The following ZSWIM8 variants were observed in gnomAD, a reference collection of about 807,000 sequenced individuals.
ZSWIM8 encodes zinc finger SWIM domain-containing protein 8.
ZSWIM8 carries 27 observed loss-of-function variants against 173.7 expected under a neutral mutation model. That is an observed-to-expected ratio of 0.16 (90% CI 0.11 to 0.21). The LOEUF (loss-of-function observed/expected upper bound fraction) is 0.21. Ranked by LOEUF, ZSWIM8 falls within the 10% of genes least tolerant of loss-of-function variation. The probability of loss-of-function intolerance (pLI) is 1.00; values close to 1 mark genes in which losing one functional copy is unlikely to be tolerated. For missense variants in ZSWIM8, 1,627 were observed against 2,428.8 expected, an observed-to-expected ratio of 0.67 and a Z score of 6.94; for synonymous variants, 958 against 962.0, an observed-to-expected ratio of 1.00 and a Z score of 0.08.
chr10:73,794,814 G>A (rs186582340), intron 14 of ZSWIM8, 175 bp downstream of exon 14: 9 of 542,830 alleles, frequency 1.7e-5, no homozygotes, highest in South Asian at 1.3e-4. Flanking sequence ...ATGGCTGGGC[G>A]TGGTGGCCCA....
chr10:73,798,702 A>G (rs969077942), intron 20 of ZSWIM8, among the ~76,000 whole-genome samples: 16 of 152,344 alleles, frequency 1.1e-4, no homozygotes, highest in African/African-American at 3.8e-4. Flanking sequence ...TTAGGGACCA[A>G]GATGATCACT....
At position 73,793,852 on chromosome 10, in the gene ZSWIM8, C is replaced by T. The variant is rs748231176; in HGVS notation, c.2446-13C>T. On this transcript the variant is annotated splice_polypyrimidine_tract_variant and intron_variant, in intron 11 of 25. Coordinates refer to ENST00000604729, the MANE Select transcript of ZSWIM8 (RefSeq NM_001367799.1). ...AATCATCTGCCTGTCTCCTGTGTTT[C>T]TTCCCTTTCTAGGGCAAGAAGAACA... 11 of 1,595,634 alleles carry T rather than the reference C, an allele frequency of 6.9e-6. No homozygotes were observed. The highest frequency in any genetic ancestry group is 8.5e-6 in the Non-Finnish European group (10 of 1,172,654).
Position 73,785,814 on chromosome 10 carries a change from C to T in ZSWIM8, c.-65C>T, listed in dbSNP as rs948581559. On this transcript the variant is annotated 5_prime_UTR_variant, in exon 1 of 26. Coordinates refer to ENST00000604729, the MANE Select transcript of ZSWIM8 (RefSeq NM_001367799.1). ...CTCAGGCCCCGGGCCTCCCCTCAACCCCCGGCCGGCGGCCCAGGCCCCGGA... is the reference window on the plus strand; with the variant it reads ...CTCAGGCCCCGGGCCTCCCCTCAACTCCCGGCCGGCGGCCCAGGCCCCGGA... 7 of 1,458,382 alleles carry T rather than the reference C, an allele frequency of 4.8e-6. No homozygotes were observed. Among genetic ancestry groups the T allele is most frequent in the Non-Finnish European group, 4.5e-6 (5 of 1,102,252 alleles). 90.3% of individuals were successfully genotyped at this position (1,458,382 alleles called of 1,614,324 possible).
chr10:73,794,492 C>T, intron 13 of ZSWIM8, 49 bp from the exon 14 acceptor site: 1 of 1,566,646 alleles, frequency 6.4e-7, no homozygotes, highest in Non-Finnish European at 8.7e-7. Context: ...TGTATTTTTT[C>T]CCATGCATGA....
In ZSWIM8 at chr10:73,786,028, G is replaced by A. The variant is rs765505276; in HGVS notation, c.150G>A (p.Gly50=). Residue 50 remains glycine, a synonymous_variant, in exon 1 of 26, where the codon GGG becomes GGA. Coordinates refer to ENST00000604729, the MANE Select transcript of ZSWIM8 (RefSeq NM_001367799.1). ...NWRGWRKQSA[G]PNSPTGGGGG... ...GGGGATGGCGCAAACAGTCAGCGGG[G>A]CCCAATTCCCCCACTGGCGGCGGTG... The A allele has an allele frequency of 3.1e-6, 5 of 1,604,610 alleles. No homozygotes were observed. The South Asian group carries it at 5.6e-5, about 18-fold the overall frequency.
chr10:73,796,745 C>T, intron 15 of ZSWIM8, 29 bp from the exon 16 acceptor site: 1 of 1,608,612 alleles, frequency 6.2e-7, no homozygotes, highest in Non-Finnish European at 8.5e-7. Flanking sequence ...GTCACTGCTT[C>T]TCTGGAGGTC....
At chr10:73,795,413 G>A in intron 14 of ZSWIM8, 126 bp from the exon 15 acceptor site, 1 of 1,422,726 alleles carries the variant, frequency 7.0e-7, no homozygotes. Flanking sequence ...TTCTATAGGT[G>A]ATGTGGGTTG....
chr10:73,793,494 A>G lies in ZSWIM8; in HGVS notation c.2314-94A>G, dbSNP rs1277800607. 18 of 1,416,746 alleles carry G rather than the reference A, an allele frequency of 1.3e-5. No individual in the cohort carries two copies. The East Asian group carries it at 2.4e-4, about 19-fold the overall frequency. 87.8% of individuals were successfully genotyped at this position (1,416,746 alleles called of 1,614,324 possible). A position where few individuals can be genotyped will look rare whatever the true frequency, so the allele number is the denominator to read the frequency against. ...GCGGCACAGGGCCTGGCATGTAGCAAGTGTTCAAGGAATGTTGGCTGCATG... is the reference window on the plus strand; with the variant it reads ...GCGGCACAGGGCCTGGCATGTAGCAGGTGTTCAAGGAATGTTGGCTGCATG... On this transcript the variant is annotated intron_variant, in intron 10 of 25. Transcript: ENST00000604729.
Position 73,794,564 on chromosome 10 carries a change from C to T in ZSWIM8, c.2833C>T (p.Pro945Ser). Residue 945 changes from proline to serine, a missense_variant, in exon 14 of 26, where the codon CCC becomes TCC. Around this residue, in one of 18 missense-constraint regions of ZSWIM8, gnomAD observed 169 missense variants for 235.3 expected, o/e 0.72. Transcript: ENST00000604729. ...APVVSPTGSR[P>S]PSRNWNSETP... is the part of the protein sequence containing the mutation. ...AGTGGTTTCTCCCACAGGTTCCCGGCCCCCAAGTCGCAACTGGAACAGCGA... is the reference window on the plus strand; with the variant it reads ...AGTGGTTTCTCCCACAGGTTCCCGGTCCCCAAGTCGCAACTGGAACAGCGA... 6.4e-7 allele frequency: 1 copy of T among 1,561,298 alleles called. No individual in the cohort carries two copies. Among genetic ancestry groups the T allele is most frequent in the Non-Finnish European group, 8.7e-7 (1 of 1,151,906 alleles).
chr10:73,797,784 C>T lies in ZSWIM8; in HGVS notation c.3666C>T (p.Tyr1222=). 1 of 1,611,506 alleles carries T rather than the reference C, an allele frequency of 6.2e-7. No individual in the cohort carries two copies. The highest frequency in any genetic ancestry group is 8.5e-7 in the Non-Finnish European group (1 of 1,178,050). Reference sequence around the variant, plus strand: ...CCCTACCCCATTGCCCCTTCAGGTACAAGGGCCGCCGCCCCGAGAGTCATG... The same window carrying T: ...CCCTACCCCATTGCCCCTTCAGGTATAAGGGCCGCCGCCCCGAGAGTCATG... ...ARAKTVEVGR[Y]KGRRPESHAP... The change falls in exon 19 of 26, where the codon TAC becomes TAT. Residue 1222 remains tyrosine (Y), a synonymous_variant. Coordinates refer to ENST00000604729, the MANE Select transcript of ZSWIM8 (RefSeq NM_001367799.1). The surrounding 1 kb of genome is among the most constrained non-coding windows in gnomAD (Gnocchi z 5.6).
intron 19 of ZSWIM8, 65 bp from the exon 20 acceptor site, chr10:73,798,165 A>ATT: frequency 6.3e-7 from 1 of 1,596,996 alleles, no homozygotes; most frequent in Middle Eastern, 1.7e-4. Flanking sequence ...ATAAAAAGAC[A>ATT]TTATTCTCAC....
At chr10:73,793,544 G>C in intron 10 of ZSWIM8, 44 bp from the exon 11 acceptor site, 6 of 1,530,890 alleles carry the variant, frequency 3.9e-6, no homozygotes, top group Non-Finnish European at 5.3e-6. Context: ...CCTGCTCCTG[G>C]AAGTTGGGAC....
At position 73,792,767 on chromosome 10, in the gene ZSWIM8, A is replaced by G; in HGVS notation, c.2228A>G (p.Glu743Gly). ...AATGCCCAGGATGGGGCTGGGGGCG[A>G]GGAAGAGAAGGCCGAGGGCGGGGCT... ...YLNAQDGAGGEEEKAEGGAGE... is the reference protein window; with the variant it reads ...YLNAQDGAGGGEEKAEGGAGE... Residue 743 changes from glutamate (E) to glycine (G), a missense_variant, in exon 10 of 26, where the codon GAG becomes GGG. Transcript: ENST00000604729. The surrounding 1 kb of genome is among the most constrained non-coding windows in gnomAD (Gnocchi z 4.3). 6.2e-7 allele frequency: 1 copy of G among 1,611,560 alleles called. No homozygotes were observed. The highest frequency in any genetic ancestry group is 1.3e-5 in the African/African-American group (1 of 74,964).
In ZSWIM8 at chr10:73,792,464, A is replaced by T; in HGVS notation, c.1925A>T (p.Glu642Val). The T allele has an allele frequency of 6.2e-7, 1 of 1,609,980 alleles. No homozygotes were observed. The highest frequency in any genetic ancestry group is 1.1e-5 in the South Asian group (1 of 90,486). Residue 642 changes from glutamate (E) to valine (V), a missense_variant, in exon 10 of 26, where the codon GAG becomes GTG. Physicochemically the swap from Glu to Val is moderately radical, Grantham distance 121 (BLOSUM62 -2). Around this residue, in one of 18 missense-constraint regions of ZSWIM8, gnomAD observed 383 missense variants for 394.8 expected, o/e 0.97. Coordinates refer to ENST00000604729, the MANE Select transcript of ZSWIM8 (RefSeq NM_001367799.1). This position sits in a 1 kb window ranked among gnomAD's most constrained non-coding sequence, Gnocchi z 4.3. ...GCCAGCACCTTCGGGGGATTCCCTG[A>T]GAGCCCTCCACCCTGTCCTCTCCAC... ...AEASTFGGFP[E>V]SPPPCPLHGG...
rs1262824446 is a variant in ZSWIM8 at position 73,799,513 on chromosome 10, G to C, written c.4665+23G>C. On this transcript the variant is annotated intron_variant, in intron 21 of 25. Transcript: ENST00000604729. ...CAGGTGAGACCAGTGTTCTGCTGGG[G>C]GGTAAGGCATGGGAAAATACTGGGA... 3 of 1,589,460 alleles carry C rather than the reference G, an allele frequency of 1.9e-6. No homozygotes were observed. In the South Asian group the frequency reaches 3.4e-5, roughly 18 times the overall value.
At position 73,797,148 on chromosome 10, in the gene ZSWIM8, T is replaced by C; in HGVS notation, c.3310T>C (p.Ser1104Pro). The C allele has an allele frequency of 6.2e-7, 1 of 1,613,746 alleles. No homozygotes were observed. Among genetic ancestry groups the C allele is most frequent in the Non-Finnish European group, 8.5e-7 (1 of 1,179,782 alleles). The part of the protein sequence containing the change: ...SPHSPCEGLP[S>P]EAALTPRPEG... Reference sequence around the variant, plus strand: ...ACATTCCCCCTGTGAGGGTCTTCCATCTGAGGCAGCTTTGACCCCAAGGCC... The same window carrying C: ...ACATTCCCCCTGTGAGGGTCTTCCACCTGAGGCAGCTTTGACCCCAAGGCC... The change falls in exon 17 of 26, where the codon TCT becomes CCT. Residue 1104 changes from serine (S) to proline (P), a missense_variant. Around this residue, in one of 18 missense-constraint regions of ZSWIM8, gnomAD observed 163 missense variants for 193.2 expected, o/e 0.84. Coordinates refer to ENST00000604729, the MANE Select transcript of ZSWIM8 (RefSeq NM_001367799.1). This position sits in a 1 kb window ranked among gnomAD's most constrained non-coding sequence, Gnocchi z 5.6.
In ZSWIM8 at chr10:73,788,833, A is replaced by G. The variant is rs760044556; in HGVS notation, c.362+10A>G. On this transcript the variant is annotated intron_variant, in intron 2 of 25. Coordinates refer to ENST00000604729, the MANE Select transcript of ZSWIM8 (RefSeq NM_001367799.1). ...ATGAAGAGGACATTCGGTGAGGCCAAAGGACTGATGGTGGGGAGCGGGGTC... is the reference window on the plus strand; with the variant it reads ...ATGAAGAGGACATTCGGTGAGGCCAGAGGACTGATGGTGGGGAGCGGGGTC... 145 of 1,613,058 alleles carry G rather than the reference A, an allele frequency of 9.0e-5. No individual in the cohort carries two copies. Among genetic ancestry groups the G allele is most frequent in the Middle Eastern group, 5.4e-4 (3 of 5,554 alleles).
In ZSWIM8 at chr10:73,789,704, G is replaced by T. The variant is rs781781216; in HGVS notation, c.631-13G>T. On this transcript the variant is annotated splice_polypyrimidine_tract_variant and intron_variant, in intron 4 of 25. Coordinates refer to ENST00000604729, the MANE Select transcript of ZSWIM8 (RefSeq NM_001367799.1). This position sits in a 1 kb window ranked among gnomAD's most constrained non-coding sequence, Gnocchi z 6.8. ...TTCTCAGATTGTTCCATTTTTCTCT[G>T]TGTCCCCTTCAGGCTTCTGCAGTCT... The T allele has an allele frequency of 4.1e-5, 65 of 1,587,184 alleles. No homozygotes were observed. Among genetic ancestry groups the T allele is most frequent in the Non-Finnish European group, 5.6e-5 (65 of 1,166,878 alleles).
Position 73,792,260 on chromosome 10 carries a change from C to T in ZSWIM8, c.1721C>T (p.Ala574Val). The T allele has an allele frequency of 4.4e-6, 7 of 1,589,004 alleles. No individual in the cohort carries two copies. Among genetic ancestry groups the T allele is most frequent in the Non-Finnish European group, 6.0e-6 (7 of 1,166,514 alleles). ...RRLSAEGGDK[A>V]LHKMGPGGGK... Reference sequence around the variant, plus strand: ...CTCTCAGCTGAAGGGGGAGATAAAGCTCTACATAAGATGGGTCCAGGTGGG... The same window carrying T: ...CTCTCAGCTGAAGGGGGAGATAAAGTTCTACATAAGATGGGTCCAGGTGGG... The change falls in exon 10 of 26, where the codon GCT becomes GTT. Residue 574 changes from alanine (A) to valine (V), a missense_variant. Physicochemically the swap from Ala to Val is moderately conservative, Grantham distance 64. Transcript: ENST00000604729. This position sits in a 1 kb window ranked among gnomAD's most constrained non-coding sequence, Gnocchi z 4.3.
Sources: allele counts gnomAD v4.1 joint callset (sites outside exome capture counted in the v4.1 genomes callset), GRCh38; gene constraint gnomAD v4.1.1; regional missense constraint gnomAD v4.1.1; non-coding constraint Gnocchi (gnomAD v3.1); transcripts MANE v1.5; gene names NCBI Gene and HGNC (gene_info 2026-07-23, HGNC 2026-07-21).